PRR36: variants seen among roughly 807,000 people sequenced by gnomAD.
The protein encoded by PRR36 is proline-rich protein 36.
A neutral mutation model predicts 58.6 loss-of-function variants in PRR36; 30 were observed. That is an observed-to-expected ratio of 0.51 (90% CI 0.38 to 0.69). The LOEUF (loss-of-function observed/expected upper bound fraction) is 0.69, where lower values mean the gene tolerates loss of function less well. PRR36 is among the 30% of genes least tolerant of loss of function. PRR36 has a pLI of 0.00. For synonymous variants in PRR36, 771 were observed against 829.3 expected (o/e 0.93, Z 1.21); for missense variants, 1,692 against 1,805.6 (o/e 0.94, Z 1.14).
In PRR36 at chr19:7,870,526, TG is replaced by T; in HGVS notation, c.2717del (p.Pro906GlnfsTer16). 3.4e-6 allele frequency: 1 copy of T among 292,638 alleles called. No homozygotes were observed. The highest frequency in any genetic ancestry group is 1.1e-4 in the South Asian group (1 of 8,888). The allele number at this position is 292,638 out of a possible 1,614,324, so 18.1% of individuals were successfully genotyped here. Reference protein sequence around the residue: ...QAPFSPPASPPVSPSATPPSQ... With the variant: ...QAPFSPPASPXVSPSATPPSQ... ...AAGGGGGCGTGGCCGAAGGAGACAC[TG>T]GGGGTGAGGCAGGGGGAGAGAAAGG... is the stretch of plus-strand genomic sequence containing the variant. On this transcript the variant is annotated frameshift_variant, in exon 5 of 6. Transcript: ENST00000618550. LOFTEE classifies it high-confidence loss of function.
In PRR36 at chr19:7,871,903, CG is replaced by C. The variant is rs1980468108; in HGVS notation, c.1340del (p.Pro447ArgfsTer46). ...GTGTGGCCAAGGGAGAGAGGAGAGT[CG>C]GAAGAGAGGGCAACGCTGGATTAGC... ...TQANPALPSL[P>X]TLLSPLATPP... On this transcript the variant is annotated frameshift_variant, in exon 5 of 6. Coordinates refer to ENST00000618550, the MANE Select transcript of PRR36 (RefSeq NM_001190467.2). LOFTEE classifies it high-confidence loss of function. 20 of 1,535,632 alleles carry C rather than the reference CG, an allele frequency of 1.3e-5. No individual in the cohort carries two copies. Among genetic ancestry groups the C allele is most frequent in the Non-Finnish European group, 1.7e-5 (20 of 1,146,816 alleles).
chr19:7,871,270 G>C lies in PRR36; in HGVS notation c.1974C>G (p.Ala658=). 3 of 1,532,528 alleles carry C rather than the reference G, an allele frequency of 2.0e-6. No individual in the cohort carries two copies. Among genetic ancestry groups the C allele is most frequent in the Non-Finnish European group, 2.6e-6 (3 of 1,145,454 alleles). 94.9% of individuals were successfully genotyped at this position (1,532,528 alleles called of 1,614,324 possible). Residue 658 remains alanine (A), a synonymous_variant, in exon 5 of 6, where the codon GCC becomes GCG. Coordinates refer to ENST00000618550, the MANE Select transcript of PRR36 (RefSeq NM_001190467.2). ...GGGGTGAGGCAGGAAGGGAAAGAGG[G>C]GCCTGCAGAGGGGGTGAATCAGGGG... ...STPPDSPPLQ[A]PLSLPASPPL...
chr19:7,871,928 G>T lies in PRR36; in HGVS notation c.1316C>A (p.Ala439Asp), dbSNP rs35094469. The change falls in exon 5 of 6, where the codon GCT (alanine) becomes GAT (aspartate). Residue 439 changes from alanine to aspartate, a missense_variant. By Grantham distance (126) the Ala-to-Asp change is moderately radical. Transcript: ENST00000618550. ...SPLQSMPPTQANPALPSLPTL... is the reference protein window; with the variant it reads ...SPLQSMPPTQDNPALPSLPTL... ...CGGAAGAGAGGGCAACGCTGGATTA[G>T]CTTGGGTGGGGGGCATACTCTGCAG... 3.9e-6 allele frequency: 6 copies of T among 1,535,858 alleles called. No individual in the cohort carries two copies. The East Asian group carries it at 1.2e-4, about 31-fold the overall frequency.
Position 7,868,831 on chromosome 19 carries a change from G to C in PRR36, c.*202C>G. ...GGGGCGTGTCCTAGGCCAAAGGGGC[G>C]GAGCTCGAGGGGCGGGCCTAGGTCA... On this transcript the variant is annotated 3_prime_UTR_variant, in exon 6 of 6. Coordinates refer to ENST00000618550, the MANE Select transcript of PRR36 (RefSeq NM_001190467.2). The C allele has an allele frequency of 1.8e-6, 1 of 552,958 alleles. No individual in the cohort carries two copies. Among genetic ancestry groups the C allele is most frequent in the Non-Finnish European group, 3.0e-6 (1 of 330,762 alleles). The allele number at this position is 552,958 out of a possible 1,614,324, so 34.3% of individuals were successfully genotyped here.
rs1047979510 is a variant in PRR36 at position 7,871,750 on chromosome 19, C to G, written c.1494G>C (p.Gln498His). ...GLSALTTPPPQASPSPSPPSL... is the reference protein window; with the variant it reads ...GLSALTTPPPHASPSPSPPSL... The stretch of plus-strand genomic sequence containing the variant: ...AGGGCGGAGACGGGGAAGGACTGGC[C>G]TGCGGAGGGGGCGTGGTCAGAGCAG... The change falls in exon 5 of 6, where the codon CAG becomes CAC. Residue 498 changes from glutamine to histidine, a missense_variant. Physicochemically the swap from Gln to His is conservative, Grantham distance 24 (BLOSUM62 0). This residue lies in a region of PRR36 where 975 missense variants were observed against 955.2 expected (regional missense o/e 1.02). Transcript: ENST00000618550. The G allele has an allele frequency of 2.0e-6, 3 of 1,535,392 alleles. No individual in the cohort carries two copies. The highest frequency in any genetic ancestry group is 2.6e-6 in the Non-Finnish European group (3 of 1,146,698).
rs563096509 is a variant in PRR36 at position 7,871,133 on chromosome 19, G to A, written c.2111C>T (p.Ser704Phe). Residue 704 changes from serine to phenylalanine, a missense_variant, in exon 5 of 6, where the codon TCT becomes TTT. By Grantham distance (155) the Ser-to-Phe change is radical. Coordinates refer to ENST00000618550, the MANE Select transcript of PRR36 (RefSeq NM_001190467.2). ...LASHSPQAPL[S>F]SLIMPPLETQ... Reference sequence around the variant, plus strand: ...CTCCAGAGGGGGCATGATCAGGGAAGAGAGAGGTGCCTGAGGAGAGTGGGA... The same window carrying A: ...CTCCAGAGGGGGCATGATCAGGGAAAAGAGAGGTGCCTGAGGAGAGTGGGA... The A allele has an allele frequency of 5.2e-6, 8 of 1,535,706 alleles. No homozygotes were observed. In the South Asian group the frequency reaches 7.1e-5, roughly 14 times the overall value.
rs547243014 is a variant in PRR36, at chr19:7,870,084, G to A, written c.3160C>T (p.Pro1054Ser). The change falls in exon 5 of 6, where the codon CCA (proline) becomes TCA (serine). Residue 1054 changes from proline (P) to serine (S), a missense_variant. Pro to Ser is a moderately conservative substitution (Grantham distance 74, BLOSUM62 -1). Transcript: ENST00000618550. Reference protein sequence around the residue: ...SPLATPPPQAPPVLAAPLLQV... With the variant: ...SPLATPPPQASPVLAAPLLQV... ...AGAAGGGGCGCTGCCAGAACAGGTG[G>A]GGCCTGTGGAGGAGGCGTGGCCAAA... 98 of 1,494,494 alleles carry A rather than the reference G, an allele frequency of 6.6e-5. No homozygotes were observed. The South Asian group carries it at 1.2e-3, about 18-fold the overall frequency. The allele number at this position is 1,494,494 out of a possible 1,614,324, so 92.6% of individuals were successfully genotyped here.
In PRR36 at chr19:7,870,868, T is replaced by C; in HGVS notation, c.2376A>G (p.Gln792=). Residue 792 remains glutamine, a synonymous_variant, in exon 5 of 6, where the codon CAA becomes CAG. Transcript: ENST00000618550. Reference sequence around the variant, plus strand: ...GCGTGGTCAATGGCGAAGGTGGTGCTTGCAGAGGGCATGGGGCTGGACAAG... The same window carrying C: ...GCGTGGTCAATGGCGAAGGTGGTGCCTGCAGAGGGCATGGGGCTGGACAAG... ...TPPCPAPCPL[Q]APPSPLTTPP... 1 of 1,443,920 alleles carries C rather than the reference T, an allele frequency of 6.9e-7. No homozygotes were observed. The highest frequency in any genetic ancestry group is 9.0e-7 in the Non-Finnish European group (1 of 1,105,328). 89.4% of individuals were successfully genotyped at this position (1,443,920 alleles called of 1,614,324 possible).
rs944853017 is a variant in PRR36, at chr19:7,869,767, C to G, written c.3477G>C (p.Pro1159=). The G allele has an allele frequency of 8.8e-6, 12 of 1,359,242 alleles. No homozygotes were observed. The highest frequency in any genetic ancestry group is 1.1e-5 in the Non-Finnish European group (12 of 1,062,366). The allele number at this position is 1,359,242 out of a possible 1,614,324, so 84.2% of individuals were successfully genotyped here. ...PPDAELAACH[P]AAWSRGPAPP... Reference sequence around the variant, plus strand: ...GAGCGGGGCCTCGACTCCAGGCAGCCGGGTGGCAAGCGGCGAGCTCTGCGT... The same window carrying G: ...GAGCGGGGCCTCGACTCCAGGCAGCGGGGTGGCAAGCGGCGAGCTCTGCGT... Residue 1159 remains proline, a synonymous_variant, in exon 5 of 6, where the codon CCG becomes CCC. Coordinates refer to ENST00000618550, the MANE Select transcript of PRR36 (RefSeq NM_001190467.2).
chr19:7,869,915 G>T lies in PRR36; in HGVS notation c.3329C>A (p.Pro1110Gln). ...GTCTGGGCCGCTCAGCGTGCTGGAC[G>T]GGCTGCGCGAGGGCGGCGGCGGCGG... ...PGPPPPPSRS[P>Q]SSTLSGPDLA... Residue 1110 changes from proline (P) to glutamine (Q), a missense_variant, in exon 5 of 6, where the codon CCG becomes CAG. By Grantham distance (76) the Pro-to-Gln change is moderately conservative. Coordinates refer to ENST00000618550, the MANE Select transcript of PRR36 (RefSeq NM_001190467.2). 7.3e-7 allele frequency: 1 copy of T among 1,363,568 alleles called. No individual in the cohort carries two copies. The highest frequency in any genetic ancestry group is 3.7e-5 in the Admixed American group (1 of 27,302). 84.5% of individuals were successfully genotyped at this position (1,363,568 alleles called of 1,614,324 possible).
At chr19:7,869,577 G>C in intron 5 of PRR36, 33 bp from the exon 6 acceptor site, 1 of 1,511,554 alleles carries the variant, frequency 6.6e-7, no homozygotes, top group African/African-American at 1.4e-5. Flanking sequence ...GGCCGTGGGG[G>C]TGATAAGCCC....
chr19:7,871,802 A>C lies in PRR36; in HGVS notation c.1442T>G (p.Leu481Arg), dbSNP rs975012647. The C allele has an allele frequency of 2.0e-6, 3 of 1,535,324 alleles. No homozygotes were observed. Among genetic ancestry groups the C allele is most frequent in the Non-Finnish European group, 1.7e-6 (2 of 1,146,698 alleles). ...AAGGCCTGGCTGAGGGAGTGCGGCCAGGGGAAAAGCCGAATTCCCCAGAGA... is the reference window on the plus strand; with the variant it reads ...AAGGCCTGGCTGAGGGAGTGCGGCCCGGGGAAAAGCCGAATTCCCCAGAGA... ...ATSLGNSAFP[L>R]AALPQPGLSA... Residue 481 changes from leucine to arginine, a missense_variant, in exon 5 of 6, where the codon CTG becomes CGG. Physicochemically the swap from Leu to Arg is moderately radical, Grantham distance 102 (BLOSUM62 -2). Around this residue, in one of 5 missense-constraint regions of PRR36, gnomAD observed 975 missense variants for 955.2 expected, o/e 1.02. Coordinates refer to ENST00000618550, the MANE Select transcript of PRR36 (RefSeq NM_001190467.2).
At chr19:7,869,573 G>C in intron 5 of PRR36, 29 bp from the exon 6 acceptor site, 1 of 1,512,836 alleles carries the variant, frequency 6.6e-7, no homozygotes, top group South Asian at 1.2e-5. Context: ...GGTGGGCCGT[G>C]GGGGTGATAA....
At position 7,870,528 on chromosome 19, in the gene PRR36, G is replaced by C. The variant is rs1286264263; in HGVS notation, c.2716C>G (p.Pro906Ala). The C allele has an allele frequency of 1.4e-5, 10 of 711,554 alleles. No homozygotes were observed. Among genetic ancestry groups the C allele is most frequent in the Non-Finnish European group, 1.7e-5 (9 of 541,984 alleles). 44.1% of individuals were successfully genotyped at this position (711,554 alleles called of 1,614,324 possible). The change falls in exon 5 of 6, where the codon CCA becomes GCA. Residue 906 changes from proline (P) to alanine (A), a missense_variant. Transcript: ENST00000618550. ...GGGGGCGTGGCCGAAGGAGACACTG[G>C]GGGTGAGGCAGGGGGAGAGAAAGGG... Reference protein sequence around the residue: ...QAPFSPPASPPVSPSATPPSQ... With the variant: ...QAPFSPPASPAVSPSATPPSQ...
In PRR36 at chr19:7,871,921, T is replaced by TG; in HGVS notation, c.1322dup (p.Ala442SerfsTer193). ...GGAGAGTCGGAAGAGAGGGCAACGCTGGATTAGCTTGGGTGGGGGGCATAC... is the reference window on the plus strand; with the variant it reads ...GGAGAGTCGGAAGAGAGGGCAACGCTGGGATTAGCTTGGGTGGGGGGCATAC... On this transcript the variant is annotated frameshift_variant, in exon 5 of 6. Coordinates refer to ENST00000618550, the MANE Select transcript of PRR36 (RefSeq NM_001190467.2). LOFTEE classifies it high-confidence loss of function. 1 of 1,535,178 alleles carries TG rather than the reference T, an allele frequency of 6.5e-7. No individual in the cohort carries two copies. The highest frequency in any genetic ancestry group is 8.7e-7 in the Non-Finnish European group (1 of 1,146,690).
rs1159144097 is a variant in PRR36 at position 7,873,315 on chromosome 19, C to T, written c.272-16G>A. On this transcript the variant is annotated splice_polypyrimidine_tract_variant and intron_variant, in intron 2 of 5. Coordinates refer to ENST00000618550, the MANE Select transcript of PRR36 (RefSeq NM_001190467.2). This position sits in a 1 kb window ranked among gnomAD's most constrained non-coding sequence, Gnocchi z 5.0. ...GGCCTGGAGGCTGCGGGGAGAAGGC[C>T]GAGTCACAGGTGCCCCGGAGAGGTG... The T allele has an allele frequency of 1.3e-6, 2 of 1,529,228 alleles. No individual in the cohort carries two copies. The highest frequency in any genetic ancestry group is 1.7e-6 in the Non-Finnish European group (2 of 1,143,452). 94.7% of individuals were successfully genotyped at this position (1,529,228 alleles called of 1,614,324 possible).
chr19:7,874,306 C>A lies in PRR36; in HGVS notation c.-28G>T, dbSNP rs1184524782. ...CTCACCTCCGCCTCCGGCCTCCGGC[C>A]GCTCCTCACAGAGTCGCCTGGGGTG... On this transcript the variant is annotated 5_prime_UTR_variant, in exon 1 of 6. Transcript: ENST00000618550. This position sits in a 1 kb window ranked among gnomAD's most constrained non-coding sequence, Gnocchi z 6.0. The A allele has an allele frequency of 1.3e-5, 2 of 152,030 alleles. No homozygotes were observed. The highest frequency in any genetic ancestry group is 2.4e-5 in the African/African-American group (1 of 41,412). The allele number at this position is 152,030 out of a possible 1,614,324, so 9.4% of individuals were successfully genotyped here. A position where few individuals can be genotyped will look rare whatever the true frequency, so the allele number is the denominator to read the frequency against.
rs1410479059 is a variant in PRR36, at chr19:7,870,740, G to A, written c.2504C>T (p.Pro835Leu). ...LQGLPSPPLS[P>L]LATPPPQAPP... is the part of the protein sequence containing the mutation. Reference sequence around the variant, plus strand: ...GGCCTGTGGAGGGGGCGTGGCCAAAGGAGACAGAGGGGGAGAGGGCAGGCC... The same window carrying A: ...GGCCTGTGGAGGGGGCGTGGCCAAAAGAGACAGAGGGGGAGAGGGCAGGCC... The change falls in exon 5 of 6, where the codon CCT becomes CTT. Residue 835 changes from proline (P) to leucine (L), a missense_variant. This residue lies in a region of PRR36 where 171 missense variants were observed against 146.2 expected (regional missense o/e 1.17). Coordinates refer to ENST00000618550, the MANE Select transcript of PRR36 (RefSeq NM_001190467.2). 8 of 1,388,096 alleles carry A rather than the reference G, an allele frequency of 5.8e-6. No homozygotes were observed. The highest frequency in any genetic ancestry group is 7.5e-6 in the Non-Finnish European group (8 of 1,072,938). 86.0% of individuals were successfully genotyped at this position (1,388,096 alleles called of 1,614,324 possible). A position where few individuals can be genotyped will look rare whatever the true frequency, so the allele number is the denominator to read the frequency against.
rs769094395 is a variant in PRR36, at chr19:7,869,675, A to G, written c.3529+40T>C. The G allele has an allele frequency of 2.0e-5, 27 of 1,373,588 alleles. No homozygotes were observed. In the South Asian group the frequency reaches 4.2e-4, roughly 21 times the overall value. 85.1% of individuals were successfully genotyped at this position (1,373,588 alleles called of 1,614,324 possible). ...CCTGAGCTGCGAAGCCTCGCCTCCG[A>G]CCCCGCCCACAGCCAGGCCGGGTCT... On this transcript the variant is annotated intron_variant, in intron 5 of 5. Coordinates refer to ENST00000618550, the MANE Select transcript of PRR36 (RefSeq NM_001190467.2).
Sources: allele counts gnomAD v4.1 joint callset, GRCh38; gene constraint gnomAD v4.1.1; regional missense constraint gnomAD v4.1.1; non-coding constraint Gnocchi (gnomAD v3.1); transcripts MANE v1.5; gene names NCBI Gene and HGNC (gene_info 2026-07-23, HGNC 2026-07-21).